UBASH3B: variants seen among roughly 807,000 people sequenced by gnomAD.
UBASH3B encodes ubiquitin-associated and SH3 domain-containing protein B.
UBASH3B carries 37 observed loss-of-function variants against 83.4 expected under a neutral mutation model. The observed-to-expected ratio is 0.44, with a 90% CI of 0.34 to 0.58. UBASH3B has a LOEUF of 0.58. UBASH3B is among the 20% of genes least tolerant of loss of function. The pLI is 0.01. For synonymous variants in UBASH3B, 304 were observed against 318.3 expected, an observed-to-expected ratio of 0.96 and a Z score of 0.48; for missense variants, 657 against 827.2, an observed-to-expected ratio of 0.79 and a Z score of 2.52.
intron 1 of UBASH3B, among the ~76,000 whole-genome samples, chr11:122,721,311 G>C (rs1300125283): frequency 6.7e-6 from 1 of 150,308 alleles, no homozygotes; most frequent in African/African-American, 2.4e-5. Flanking sequence ...GATGCTGACT[G>C]ACCAGCCAAG....
chr11:122,729,158 A>T (rs1860796493), intron 1 of UBASH3B, among the ~76,000 whole-genome samples: 1 of 152,232 alleles, frequency 6.6e-6, no homozygotes, highest in Non-Finnish European at 1.5e-5. Flanking sequence ...GGCTCTGGAC[A>T]GTGGCTCTCT....
intron 1 of UBASH3B, among the ~76,000 whole-genome samples, chr11:122,706,741 C>A (rs188309715): frequency 2.0e-5 from 3 of 152,088 alleles, no homozygotes; most frequent in Non-Finnish European, 4.4e-5. Context: ...CATATATGTA[C>A]GCAATCACAT....
chr11:122,757,924 T>C (rs556380013), intron 1 of UBASH3B, among the ~76,000 whole-genome samples: 24 of 151,670 alleles, frequency 1.6e-4, no homozygotes, highest in Non-Finnish European at 3.4e-4. Context: ...ATGTTGATGG[T>C]CTCTATCTCT....
intron 1 of UBASH3B, among the ~76,000 whole-genome samples, chr11:122,766,059 G>A (rs1860530154): frequency 1.3e-5 from 2 of 152,182 alleles, no homozygotes; most frequent in Non-Finnish European, 2.9e-5. Flanking sequence ...CCTAAGGGAA[G>A]AAGCGAAAGG....
At chr11:122,801,425 C>A in intron 11 of UBASH3B, 93 bp downstream of exon 11, 1 of 1,437,076 alleles carries the variant, frequency 7.0e-7, no homozygotes, top group Non-Finnish European at 9.4e-7. Context: ...CAGGGCTGGA[C>A]ATCACCTACA....
At chr11:122,714,979 T>C (rs1365530097) in intron 1 of UBASH3B, among the ~76,000 whole-genome samples, 1 of 152,246 alleles carries the variant, frequency 6.6e-6, no homozygotes, top group Non-Finnish European at 1.5e-5. Flanking sequence ...GGAGTCTCGC[T>C]CTGTCGCCCG....
intron 11 of UBASH3B, among the ~76,000 whole-genome samples, chr11:122,803,306 G>T (rs979611741): frequency 3.3e-5 from 5 of 152,194 alleles, no homozygotes; most frequent in Non-Finnish European, 7.3e-5. Flanking sequence ...CAAGCCTTTG[G>T]AAGCAAGGAA....
At chr11:122,716,367 GT>G (rs1330372663) in intron 1 of UBASH3B, among the ~76,000 whole-genome samples, 1 of 152,230 alleles carries the variant, frequency 6.6e-6, no homozygotes. Flanking sequence ...TAGAGACGGT[GT>G]TTTGCCATGT....
intron 1 of UBASH3B, among the ~76,000 whole-genome samples, chr11:122,675,709 C>A (rs1863658661): frequency 6.6e-6 from 1 of 152,176 alleles, no homozygotes; most frequent in Non-Finnish European, 1.5e-5. Context: ...AGGATGTAAT[C>A]CTGGCCCCAG....
chr11:122,778,228 C>T (rs540522331), intron 3 of UBASH3B, among the ~76,000 whole-genome samples: 9 of 152,218 alleles, frequency 5.9e-5, no homozygotes, highest in South Asian at 2.1e-4. Context: ...TTCTCTCTCT[C>T]AGGTAATAAT....
At chr11:122,722,994 C>G (rs958174994) in intron 1 of UBASH3B, among the ~76,000 whole-genome samples, 2 of 152,146 alleles carry the variant, frequency 1.3e-5, no homozygotes, top group Non-Finnish European at 1.5e-5. Context: ...CGTGAGCCAC[C>G]GCGCCCGGCC....
intron 1 of UBASH3B, among the ~76,000 whole-genome samples, chr11:122,663,837 A>T (rs1427327143): frequency 1.3e-5 from 2 of 152,226 alleles, no homozygotes; most frequent in Non-Finnish European, 2.9e-5. Flanking sequence ...GTTGCTGAAC[A>T]TGCTAAGCCT....
At chr11:122,751,290 GGAGT>G (rs1323889338) in intron 1 of UBASH3B, among the ~76,000 whole-genome samples, 4 of 152,188 alleles carry the variant, frequency 2.6e-5, no homozygotes, top group African/African-American at 9.7e-5. Context: ...CTTGCACTGA[GGAGT>G]GTCTTCCCAG....
chr11:122,776,313 T>C, intron 2 of UBASH3B, 41 bp downstream of exon 2: 1 of 1,563,258 alleles, frequency 6.4e-7, no homozygotes, highest in Non-Finnish European at 8.7e-7. Context: ...AGCATATAAT[T>C]AACTCAAAGT....
chr11:122,762,332 A>G (rs972635457), intron 1 of UBASH3B, among the ~76,000 whole-genome samples: 1 of 152,186 alleles, frequency 6.6e-6, no homozygotes, highest in African/African-American at 2.4e-5. Flanking sequence ...CTACTCTGCC[A>G]ACTGGGGAGT....
At position 122,721,307 on chromosome 11, in the gene UBASH3B, G is replaced by A. The variant is rs540857603; in HGVS notation, c.162-54912G>A. On this transcript the variant is annotated intron_variant, in intron 1 of 13. Coordinates refer to ENST00000284273, the MANE Select transcript of UBASH3B (RefSeq NM_032873.5). Reference sequence around the variant, plus strand: ...TAGGTCAGTTTCTACAACAGATGCTGACTGACCAGCCAAGCTCTTTATGGA... The same window carrying A: ...TAGGTCAGTTTCTACAACAGATGCTAACTGACCAGCCAAGCTCTTTATGGA... Among the ~76,000 whole-genome samples, 21 of 150,542 alleles carry A rather than the reference G, an allele frequency of 1.4e-4. No homozygotes were observed. The East Asian group carries it at 4.1e-3, about 30-fold the overall frequency.
rs116857783 is a variant in UBASH3B at position 122,737,345 on chromosome 11, G to C, written c.162-38874G>C. On this transcript the variant is annotated intron_variant, in intron 1 of 13. Transcript: ENST00000284273. ...GGGGTGATGGGGCTTAACACAGAGA[G>C]AAAACAAGGGATAAAAAAGAACCAG... Among the ~76,000 whole-genome samples the C allele has an allele frequency of 5.6e-3, 854 of 152,242 alleles. 6 individuals are homozygous for C. Among genetic ancestry groups the C allele is most frequent in the Non-Finnish European group, 9.3e-3 (632 of 67,994 alleles).
intron 1 of UBASH3B, chr11:122,727,589 G>A (rs1373281285): frequency 6.6e-6 from 1 of 152,310 alleles, no homozygotes; most frequent in Non-Finnish European, 1.5e-5. Context: ...ATGGGCACCA[G>A]GAGACAAGGA....
chr11:122,779,530 G>A lies in UBASH3B; in HGVS notation c.436G>A (p.Ala146Thr), dbSNP rs774913818. 4.3e-6 allele frequency: 7 copies of A among 1,613,948 alleles called. No individual in the cohort carries two copies. The highest frequency in any genetic ancestry group is 5.9e-6 in the Non-Finnish European group (7 of 1,179,992). Residue 146 changes from alanine (A) to threonine (T), a missense_variant, in exon 4 of 14, where the codon GCC becomes ACC. By Grantham distance (58) the Ala-to-Thr change is moderately conservative (BLOSUM62 0). This residue lies in a region of UBASH3B where 573 missense variants were observed against 739.0 expected (regional missense o/e 0.78). Coordinates refer to ENST00000284273, the MANE Select transcript of UBASH3B (RefSeq NM_032873.5). Reference protein sequence around the residue: ...EDSKVDALGEALQTTVSRWKC... With the variant: ...EDSKVDALGETLQTTVSRWKC... The stretch of plus-strand genomic sequence containing the variant: ...CAGCAAGGTGGATGCCCTGGGGGAA[G>A]CCCTGCAGACCACGGTCAGTCGCTG...
Sources: gnomAD v4.1 joint callset for allele counts (sites outside exome capture counted in the v4.1 genomes callset) on GRCh38, gnomAD v4.1.1 for gene constraint, gnomAD v4.1.1 regional missense constraint, MANE v1.5 for transcripts, NCBI Gene and HGNC (gene_info 2026-07-23, HGNC 2026-07-21) for gene names.